The following HS6ST3 variants were observed in gnomAD, a reference collection of about 807,000 sequenced individuals.
The protein encoded by HS6ST3 is heparan-sulfate 6-O-sulfotransferase 3.
A neutral mutation model predicts 36.7 loss-of-function variants in HS6ST3; 12 were observed. The observed-to-expected ratio is 0.33, with a 90% confidence interval of 0.21 to 0.53. The LOEUF (loss-of-function observed/expected upper bound fraction) is 0.53, where lower values mean the gene tolerates loss of function less well. HS6ST3 is among the 20% of genes least tolerant of loss of function. The pLI, the probability that HS6ST3 is intolerant of heterozygous loss-of-function variation, is 0.95. For synonymous variants in HS6ST3, 240 were observed against 257.5 expected (o/e 0.93, Z 0.65); for missense variants, 584 against 640.9 (o/e 0.91, Z 0.96).
chr13:96,698,402 T>A (rs1016011539), intron 1 of HS6ST3, among the ~76,000 whole-genome samples: 1 of 152,192 alleles, frequency 6.6e-6, no homozygotes, highest in Non-Finnish European at 1.5e-5. Context: ...TGCATAGTAT[T>A]CCATGGTGTG....
intron 1 of HS6ST3, among the ~76,000 whole-genome samples, chr13:96,800,110 A>C (rs2138527395): frequency 6.7e-6 from 1 of 149,360 alleles, no homozygotes; most frequent in South Asian, 2.1e-4. Context: ...CTTGGGCATT[A>C]TTATTATTGT....
At chr13:96,152,068 C>A (rs572183937) in intron 1 of HS6ST3, among the ~76,000 whole-genome samples, 1 of 152,262 alleles carries the variant, frequency 6.6e-6, no homozygotes, top group African/African-American at 2.4e-5. Flanking sequence ...TCATAGCAAT[C>A]CCCATATTCC....
chr13:96,136,195 C>T (rs183335133), intron 1 of HS6ST3, among the ~76,000 whole-genome samples: 61 of 152,286 alleles, frequency 4.0e-4, no homozygotes, highest in Admixed American at 3.5e-3. Context: ...CATTTTACCT[C>T]TGGCCTTAAA....
At chr13:96,652,117 T>C (rs1791773266) in intron 1 of HS6ST3, among the ~76,000 whole-genome samples, 1 of 152,068 alleles carries the variant, frequency 6.6e-6, no homozygotes, top group African/African-American at 2.4e-5. Flanking sequence ...TATACACACA[T>C]CTGTGTATAA....
intron 1 of HS6ST3, among the ~76,000 whole-genome samples, chr13:96,342,077 C>A (rs185257362): frequency 6.6e-6 from 1 of 151,502 alleles, no homozygotes; most frequent in African/African-American, 2.4e-5. Flanking sequence ...TCTTTTCTCC[C>A]CCTCCACAAA....
intron 1 of HS6ST3, among the ~76,000 whole-genome samples, chr13:96,656,493 C>T (rs115307948): frequency 1.8e-3 from 272 of 152,152 alleles, no homozygotes; most frequent in African/African-American, 6.4e-3. Context: ...TAATTCTGAC[C>T]ACATTTCAAA....
intron 1 of HS6ST3, among the ~76,000 whole-genome samples, chr13:96,802,733 C>A (rs116986649): frequency 0.025 from 3,834 of 152,276 alleles, 65 homozygotes; most frequent in Non-Finnish European, 0.04. Context: ...ACAAGTTGAA[C>A]ATCTTTCAGT....
intron 1 of HS6ST3, among the ~76,000 whole-genome samples, chr13:96,509,219 A>C (rs767047795): frequency 2.6e-5 from 4 of 151,686 alleles, no homozygotes; most frequent in Non-Finnish European, 5.9e-5. Flanking sequence ...TTTCTTGCTG[A>C]TTTGTTTGAG....
At chr13:96,719,171 G>T (rs1184500883) in intron 1 of HS6ST3, among the ~76,000 whole-genome samples, 1 of 151,872 alleles carries the variant, frequency 6.6e-6, no homozygotes, top group Non-Finnish European at 1.5e-5. Flanking sequence ...CTAGTCGGGA[G>T]ACTGAGGCAG....
At chr13:96,790,770 C>T (rs1441922834) in intron 1 of HS6ST3, among the ~76,000 whole-genome samples, 1 of 151,992 alleles carries the variant, frequency 6.6e-6, no homozygotes, top group Non-Finnish European at 1.5e-5. Context: ...CATAATATGT[C>T]TCGATAGCAG....
At chr13:96,265,564 A>G (rs1190483081) in intron 1 of HS6ST3, among the ~76,000 whole-genome samples, 2 of 152,126 alleles carry the variant, frequency 1.3e-5, no homozygotes, top group African/African-American at 2.4e-5. Flanking sequence ...AAAAATTCCT[A>G]TTTTGGAATT....
chr13:96,656,994 TGTGTGAGAGAGA>T, intron 1 of HS6ST3, among the ~76,000 whole-genome samples: 1 of 135,512 alleles, frequency 7.4e-6, no homozygotes, highest in South Asian at 2.4e-4. Context: ...TGTGTGTGTG[TGTGTGAGAGAGA>T]GAGAGAGAGA....
rs1243924352 is a variant in HS6ST3, at chr13:96,348,967, A to G, written c.707+257398A>G. Among the ~76,000 whole-genome samples the G allele has an allele frequency of 3.3e-5, 5 of 152,312 alleles. No individual in the cohort carries two copies. The East Asian group carries it at 9.6e-4, about 29-fold the overall frequency. On this transcript the variant is annotated intron_variant, in intron 1 of 1. Coordinates refer to ENST00000376705, the MANE Select transcript of HS6ST3 (RefSeq NM_153456.4). ...GTGCAGACAACCAATAGGGAAAGAG[A>G]TTTAAAAAGTTTAGGGGTTACAAAA...
At chr13:96,397,011 C>T (rs1367922883) in intron 1 of HS6ST3, among the ~76,000 whole-genome samples, 1 of 152,144 alleles carries the variant, frequency 6.6e-6, no homozygotes, top group Non-Finnish European at 1.5e-5. Context: ...CGAGATCAGC[C>T]TGACTAACAT....
At chr13:96,521,740 C>T (rs964063035) in intron 1 of HS6ST3, among the ~76,000 whole-genome samples, 1 of 152,086 alleles carries the variant, frequency 6.6e-6, no homozygotes, top group Non-Finnish European at 1.5e-5. Flanking sequence ...ATTCTTCTCT[C>T]TTTTCTTCTT....
chr13:96,765,060 C>CTTTTTTTTTTTTT (rs11423735), intron 1 of HS6ST3, among the ~76,000 whole-genome samples: 26 of 93,908 alleles, frequency 2.8e-4, no homozygotes, highest in Middle Eastern at 7.6e-3. Flanking sequence ...TTGTTTCTTT[C>CTTTTTTTTTTTTT]TTTTTTTTTT....
chr13:96,439,565 A>C (rs2055659951), intron 1 of HS6ST3, among the ~76,000 whole-genome samples: 2 of 152,234 alleles, frequency 1.3e-5, no homozygotes, highest in Non-Finnish European at 2.9e-5. Flanking sequence ...GGCACTTAGC[A>C]GCTGTGTGAC....
At chr13:96,257,234 C>G (rs568861471) in intron 1 of HS6ST3, among the ~76,000 whole-genome samples, 1 of 152,144 alleles carries the variant, frequency 6.6e-6, no homozygotes, top group Non-Finnish European at 1.5e-5. Context: ...AATCCTACTA[C>G]GCTGGCCTCA....
chr13:96,829,786 G>A (rs181560615), intron 1 of HS6ST3, among the ~76,000 whole-genome samples: 1 of 152,090 alleles, frequency 6.6e-6, no homozygotes, highest in African/African-American at 2.4e-5. Context: ...TTGCTATCAC[G>A]AATAGTGTTG....
Sources: allele counts gnomAD v4.1 joint callset (sites outside exome capture counted in the v4.1 genomes callset), GRCh38; gene constraint gnomAD v4.1.1; transcripts MANE v1.5; gene names NCBI Gene and HGNC (gene_info 2026-07-23, HGNC 2026-07-21).